The following TEX11 variants were observed in gnomAD, a reference collection of about 807,000 sequenced individuals.
TEX11 encodes the protein testis expressed 11, also known as testis-expressed protein 11.
TEX11 carries 7 observed loss-of-function variants against 84.4 expected under a neutral mutation model. The observed-to-expected ratio is 0.08, with a 90% confidence interval of 0.05 to 0.16. The LOEUF (loss-of-function observed/expected upper bound fraction) is 0.16, where lower values mean the gene tolerates loss of function less well. Among genes scored for constraint, TEX11 ranks in the 10% least tolerant of loss-of-function variants. The pLI is 1.00. For synonymous variants in TEX11, 264 were observed against 222.8 expected, an observed-to-expected ratio of 1.18 and a Z score of -1.64; for missense variants, 551 against 660.5, an observed-to-expected ratio of 0.83 and a Z score of 1.82.
At chrX:70,771,261 T>C (rs2090970306) in intron 9 of TEX11, among the ~76,000 whole-genome samples, 1 of 112,578 alleles carries the variant, frequency 8.9e-6, no homozygotes, top group South Asian at 3.6e-4. Flanking sequence ...TTCAAGAATT[T>C]ATAAGCATAA....
At chrX:70,716,773 C>T (rs2090507762) in intron 13 of TEX11, among the ~76,000 whole-genome samples, 1 of 111,817 alleles carries the variant, frequency 8.9e-6, no homozygotes, top group Admixed American at 9.5e-5. Flanking sequence ...GCTCAGTGCA[C>T]TGCACCCACT....
At chrX:70,624,695 A>G (rs1478086787) in intron 19 of TEX11, 144 bp downstream of exon 19, 1 of 403,011 alleles carries the variant, frequency 2.5e-6, no homozygotes, top group African/African-American at 2.6e-5. Flanking sequence ...TTAAGTATTT[A>G]TCAAGTCCCA....
At chrX:70,732,045 A>G (rs2090656606) in intron 11 of TEX11, among the ~76,000 whole-genome samples, 2 of 112,069 alleles carry the variant, frequency 1.8e-5, no homozygotes, top group African/African-American at 6.5e-5. Flanking sequence ...AGAACCAATG[A>G]CAAAAACCAC....
chrX:70,710,132 A>G (rs746948380), intron 13 of TEX11, among the ~76,000 whole-genome samples: 8 of 111,356 alleles, frequency 7.2e-5, no homozygotes, highest in Admixed American at 2.9e-4. Context: ...TCAAAAAAAA[A>G]GGGGGGCCTG....
intron 2 of TEX11, among the ~76,000 whole-genome samples, chrX:70,902,580 G>A (rs2091809239): frequency 9.0e-6 from 1 of 111,428 alleles, no homozygotes; most frequent in African/African-American, 3.3e-5. Context: ...GCAATGCAGT[G>A]GTGCGATCTC....
intron 2 of TEX11, among the ~76,000 whole-genome samples, chrX:70,904,070 T>C: frequency 1.1e-5 from 1 of 91,422 alleles, no homozygotes; most frequent in Admixed American, 1.3e-4. Flanking sequence ...TCCTCCCGCC[T>C]CAGCCTCCCA....
At chrX:70,561,885 T>A (rs1345827238) in intron 25 of TEX11, among the ~76,000 whole-genome samples, 6 of 112,466 alleles carry the variant, frequency 5.3e-5, no homozygotes, top group Non-Finnish European at 9.4e-5. Context: ...ATTATGTAAA[T>A]TAAGTACTTG....
At chrX:70,546,844 C>T (rs2088132533) in intron 28 of TEX11, among the ~76,000 whole-genome samples, 1 of 110,180 alleles carries the variant, frequency 9.1e-6, no homozygotes, top group African/African-American at 3.3e-5. Flanking sequence ...GATGACCCAA[C>T]AATTCCATTC....
chrX:70,624,130 G>A, intron 19 of TEX11, 124 bp from the exon 20 acceptor site: 1 of 362,688 alleles, frequency 2.8e-6, no homozygotes, highest in South Asian at 1.2e-4. Context: ...AGAGGGTAAA[G>A]GGGAGATTAA....
chrX:70,696,373 C>A lies in TEX11; in HGVS notation c.1005-13548G>T, dbSNP rs147934897. 3.6e-5 allele frequency among the ~76,000 whole-genome samples: 4 copies of A among 111,856 alleles called. No homozygotes were observed. The East Asian group carries it at 1.1e-3, about 31-fold the overall frequency. Reference sequence around the variant, plus strand: ...GAACCTTAAAGTTCATTTATTCTGACTTCCTCCACACTGCCTCCTACCCCA... The same window carrying A: ...GAACCTTAAAGTTCATTTATTCTGAATTCCTCCACACTGCCTCCTACCCCA... On this transcript the variant is annotated intron_variant, in intron 13 of 29. Coordinates refer to ENST00000374333, the MANE Select transcript of TEX11 (RefSeq NM_031276.3).
intron 9 of TEX11, among the ~76,000 whole-genome samples, chrX:70,802,292 T>A (rs2147804562): frequency 9.0e-6 from 1 of 111,658 alleles, no homozygotes; most frequent in East Asian, 2.8e-4. Flanking sequence ...CCTTGACAAA[T>A]CAATTGTATA....
chrX:70,698,076 G>T (rs1370277314), intron 13 of TEX11, among the ~76,000 whole-genome samples: 2 of 110,362 alleles, frequency 1.8e-5, no homozygotes, highest in Non-Finnish European at 3.8e-5. Flanking sequence ...CACACTTATG[G>T]GGTACATACA....
intron 28 of TEX11, among the ~76,000 whole-genome samples, chrX:70,547,027 C>CAAAAAAAAAAAAA (rs58220663): frequency 3.0e-5 from 1 of 33,895 alleles, no homozygotes; most frequent in Non-Finnish European, 4.7e-5. Context: ...TATTATTCAG[C>CAAAAAAAAAAAAA]AAAAAAAAAA....
chrX:70,564,980 A>G (rs1420818898), intron 25 of TEX11, among the ~76,000 whole-genome samples: 8 of 107,942 alleles, frequency 7.4e-5, no homozygotes, highest in Non-Finnish European at 1.5e-4. Context: ...GAATTGCCAC[A>G]CTGACTTCCA....
intron 8 of TEX11, among the ~76,000 whole-genome samples, chrX:70,820,119 C>T (rs776807619): frequency 1.5e-4 from 17 of 111,848 alleles, no homozygotes; most frequent in South Asian, 3.7e-4. Flanking sequence ...AGAAATCTTG[C>T]GCAAGAAGTA....
chrX:70,903,979 C>CTTTTTTT (rs34397286), intron 2 of TEX11, among the ~76,000 whole-genome samples: 1 of 29,963 alleles, frequency 3.3e-5, no homozygotes. Context: ...CCACATCCAG[C>CTTTTTTT]TTTTTTTTTT....
At chrX:70,580,536 T>C (rs2088757571) in intron 25 of TEX11, among the ~76,000 whole-genome samples, 1 of 112,328 alleles carries the variant, frequency 8.9e-6, no homozygotes, top group Non-Finnish European at 1.9e-5. Context: ...CATGCCTGTA[T>C]CAAAATATCT....
chrX:70,830,197 C>T (rs907123971), intron 8 of TEX11, among the ~76,000 whole-genome samples: 1 of 111,198 alleles, frequency 9.0e-6, no homozygotes, highest in Non-Finnish European at 1.9e-5. Flanking sequence ...ACGGAAACCA[C>T]GAAAGAGCAG....
At chrX:70,883,788 C>T (rs2091695409) in intron 2 of TEX11, among the ~76,000 whole-genome samples, 1 of 112,024 alleles carries the variant, frequency 8.9e-6, no homozygotes, top group African/African-American at 3.2e-5. Flanking sequence ...GAGGCAGCCA[C>T]GTTAATCTGT....
Sources: allele counts gnomAD v4.1 joint callset (sites outside exome capture counted in the v4.1 genomes callset), GRCh38; gene constraint gnomAD v4.1.1; transcripts MANE v1.5; gene names NCBI Gene and HGNC (gene_info 2026-07-23, HGNC 2026-07-21).